The following GSPT1 variants were observed in gnomAD, a reference collection of about 807,000 sequenced individuals.
The protein encoded by GSPT1 is eukaryotic peptide chain release factor GTP-binding subunit ERF3A.
GSPT1 carries 20 observed loss-of-function variants against 72.5 expected under a neutral mutation model. The ratio of observed to expected loss-of-function variants is 0.28; its 90% confidence interval spans 0.19 to 0.40. GSPT1 has a LOEUF of 0.40. GSPT1 is among the 10% of genes least tolerant of loss of function. The pLI is 1.00. For missense variants in GSPT1, 580 were observed against 811.9 expected, an observed-to-expected ratio of 0.71 and a Z score of 3.47; for synonymous variants, 334 against 293.5, an observed-to-expected ratio of 1.14 and a Z score of -1.41.
chr16:11,900,069 C>A (rs963783062), intron 1 of GSPT1, among the ~76,000 whole-genome samples: 11 of 152,272 alleles, frequency 7.2e-5, no homozygotes, highest in African/African-American at 2.6e-4. Context: ...CACGGTGGCT[C>A]ACACCTGTAA....
chr16:11,903,232 C>A (rs1187141856), intron 1 of GSPT1, among the ~76,000 whole-genome samples: 2 of 152,018 alleles, frequency 1.3e-5, no homozygotes, highest in African/African-American at 4.8e-5. Flanking sequence ...AGTTTCAAGC[C>A]AGGCACGGTG....
intron 1 of GSPT1, among the ~76,000 whole-genome samples, chr16:11,910,740 C>G (rs1596477418): frequency 2.0e-5 from 3 of 152,318 alleles, no homozygotes; most frequent in African/African-American, 7.2e-5. Flanking sequence ...TCTTTTCACG[C>G]TGTGCAACTT....
At chr16:11,884,823 T>C (rs1260641152) in intron 10 of GSPT1, among the ~76,000 whole-genome samples, 2 of 148,634 alleles carry the variant, frequency 1.3e-5, no homozygotes, top group Non-Finnish European at 3.0e-5. Flanking sequence ...TCCCAGCACC[T>C]TGGGGGAGGC....
intron 5 of GSPT1, 142 bp from the exon 6 acceptor site, chr16:11,891,281 AAT>A (rs1319810221): frequency 2.7e-5 from 7 of 262,110 alleles, no homozygotes; most frequent in East Asian, 1.6e-4. Flanking sequence ...AAAAATATAA[AAT>A]ATATATATAA....
rs2054065864 is a variant in GSPT1, at chr16:11,877,721, A to G, written c.1429-141T>C. The G allele has an allele frequency of 1.7e-6, 1 of 572,188 alleles. No individual in the cohort carries two copies. Among genetic ancestry groups the G allele is most frequent in the African/African-American group, 1.9e-5 (1 of 52,364 alleles). The allele number at this position is 572,188 out of a possible 1,614,324, so 35.4% of individuals were successfully genotyped here. A position where few individuals can be genotyped will look rare whatever the true frequency, so the allele number is the denominator to read the frequency against. ...TTATGTTTGTATGACATAAAATCTT[A>G]GCCTAGATATGATCAGCAAAAATCA... On this transcript the variant is annotated intron_variant, in intron 11 of 14. Transcript: ENST00000434724. This position sits in a 1 kb window ranked among gnomAD's most constrained non-coding sequence, Gnocchi z 4.0.
At chr16:11,914,109 G>A (rs1254662049) in intron 1 of GSPT1, among the ~76,000 whole-genome samples, 2 of 152,304 alleles carry the variant, frequency 1.3e-5, no homozygotes, top group East Asian at 1.9e-4. Context: ...CTTAAAATGC[G>A]CTGGATGTCA....
intron 1 of GSPT1, among the ~76,000 whole-genome samples, chr16:11,910,608 G>A (rs1258277283): frequency 1.3e-5 from 2 of 152,212 alleles, no homozygotes; most frequent in South Asian, 2.1e-4. Flanking sequence ...TCTTCAACCA[G>A]AAAGAAAATA....
At position 11,885,248 on chromosome 16, in the gene GSPT1, TC is replaced by T; in HGVS notation, c.1279del (p.Asp427IlefsTer45). The stretch of plus-strand genomic sequence containing the variant: ...TGATCTATTGAAGTTCGGCAAATTA[TC>T]CAGATATGGAATAAACGGTAATCCA... ...YIGLPFIPYL[D>X]NLPNFNRSVD... On this transcript the variant is annotated frameshift_variant, in exon 10 of 15. Transcript: ENST00000434724. LOFTEE classifies it high-confidence loss of function. 1 of 1,582,188 alleles carries T rather than the reference TC, an allele frequency of 6.3e-7. No individual in the cohort carries two copies. Among genetic ancestry groups the T allele is most frequent in the Non-Finnish European group, 8.7e-7 (1 of 1,151,168 alleles).
rs1276081217 is a variant in GSPT1, at chr16:11,886,785, G to A, written c.1104C>T (p.Ser368=). Residue 368 remains serine, a synonymous_variant, in exon 8 of 15, where the codon AGC becomes AGT. Coordinates refer to ENST00000434724, the MANE Select transcript of GSPT1 (RefSeq NM_002094.4). ...CAGACATCTACGCTCACCTCTCATT[G>A]CTCCAATTTACTGTTGGATCATCCA... is the stretch of plus-strand genomic sequence containing the variant. ...NKMDDPTVNW[S]NERYEECKEK... is the part of the protein sequence containing the mutation. The A allele has an allele frequency of 6.2e-7, 1 of 1,613,154 alleles. No individual in the cohort carries two copies. The highest frequency in any genetic ancestry group is 1.1e-5 in the South Asian group (1 of 91,012).
chr16:11,896,742 C>G lies in GSPT1; in HGVS notation c.480G>C (p.Glu160Asp). ...ETEMSPEESW[E>D]HKEEISEAEP... ...CTGCTTCACTTATTTCTTCTTTGTG[C>G]TCCCATGATTCTTCTGGAGACATTT... The change falls in exon 4 of 15, where the codon GAG becomes GAC. Residue 160 changes from glutamate to aspartate, a missense_variant. Physicochemically the swap from Glu to Asp is conservative, Grantham distance 45 (BLOSUM62 2). Around this residue, in one of 6 missense-constraint regions of GSPT1, gnomAD observed 327 missense variants for 298.8 expected, o/e 1.09. Transcript: ENST00000434724. 1 of 1,601,012 alleles carries G rather than the reference C, an allele frequency of 6.2e-7. No homozygotes were observed.
chr16:11,891,440 C>A (rs2054259764), intron 5 of GSPT1, among the ~76,000 whole-genome samples: 1 of 150,890 alleles, frequency 6.6e-6, no homozygotes, highest in South Asian at 2.1e-4. Context: ...CGGCTCACTG[C>A]AACCTCTGCC....
intron 6 of GSPT1, among the ~76,000 whole-genome samples, chr16:11,888,655 G>A (rs942524697): frequency 3.3e-5 from 5 of 151,376 alleles, no homozygotes; most frequent in African/African-American, 9.7e-5. Flanking sequence ...CCAGCTACTC[G>A]GGAGGCTGAG....
At chr16:11,884,646 C>T (rs539501321) in intron 10 of GSPT1, among the ~76,000 whole-genome samples, 1 of 152,088 alleles carries the variant, frequency 6.6e-6, no homozygotes, top group South Asian at 2.1e-4. Context: ...CGCCTGTAGT[C>T]CCAGCTACTC....
intron 1 of GSPT1, among the ~76,000 whole-genome samples, chr16:11,899,896 C>A (rs749986974): frequency 1.1e-4 from 16 of 152,060 alleles, no homozygotes; most frequent in South Asian, 4.1e-4. Context: ...AAATGATATA[C>A]CATCTACCTG....
In GSPT1 at chr16:11,898,015, C is replaced by T; in HGVS notation, c.373G>A (p.Glu125Lys). ...TTACCTTCACACAATGACTGTTCCTCTTGAGAGGATTCCACAGGTGCTGTT... is the reference window on the plus strand; with the variant it reads ...TTACCTTCACACAATGACTGTTCCTTTTGAGAGGATTCCACAGGTGCTGTT... ...GRAAPVESSQ[E>K]EQSLCEGSNS... Residue 125 changes from glutamate to lysine, a missense_variant, in exon 2 of 15, where the codon GAG (glutamate) becomes AAG (lysine). Glu to Lys is a moderately conservative substitution (Grantham distance 56). Coordinates refer to ENST00000434724, the MANE Select transcript of GSPT1 (RefSeq NM_002094.4). 1 of 1,550,904 alleles carries T rather than the reference C, an allele frequency of 6.4e-7. No individual in the cohort carries two copies. The highest frequency in any genetic ancestry group is 8.7e-7 in the Non-Finnish European group (1 of 1,144,376).
chr16:11,882,655 CA>C, intron 11 of GSPT1: 1 of 168,060 alleles, frequency 6.0e-6, no homozygotes, highest in Non-Finnish European at 1.3e-5. Flanking sequence ...ACTGAACAGT[CA>C]AAAATGACAC....
intron 10 of GSPT1, among the ~76,000 whole-genome samples, chr16:11,883,306 C>T (rs2054144149): frequency 6.6e-6 from 1 of 151,660 alleles, no homozygotes; most frequent in African/African-American, 2.4e-5. Context: ...TTCAGTATGC[C>T]TATAATTTAA....
intron 5 of GSPT1, 66 bp downstream of exon 5, chr16:11,894,888 G>T: frequency 2.0e-6 from 2 of 1,022,440 alleles, no homozygotes; most frequent in Non-Finnish European, 3.0e-6. Flanking sequence ...CTGTATGAAG[G>T]TTTACAATGC....
chr16:11,892,288 A>G (rs1233880441), intron 5 of GSPT1, among the ~76,000 whole-genome samples: 1 of 151,386 alleles, frequency 6.6e-6, no homozygotes, highest in African/African-American at 2.4e-5. Flanking sequence ...GGTTACAGTA[A>G]GCTATGATTC....
Sources: allele counts gnomAD v4.1 joint callset (sites outside exome capture counted in the v4.1 genomes callset), GRCh38; gene constraint gnomAD v4.1.1; regional missense constraint gnomAD v4.1.1; non-coding constraint Gnocchi (gnomAD v3.1); transcripts MANE v1.5; gene names NCBI Gene and HGNC (gene_info 2026-07-23, HGNC 2026-07-21).